AFF3: variants seen among roughly 807,000 people sequenced by gnomAD.
The protein encoded by AFF3 is AF4/FMR2 family member 3.
AFF3 carries 32 observed loss-of-function variants against 129.7 expected under a neutral mutation model. The observed-to-expected ratio is 0.25, with a 90% CI of 0.19 to 0.33. The LOEUF (loss-of-function observed/expected upper bound fraction) is 0.33, where lower values mean the gene tolerates loss of function less well. Among genes scored for constraint, AFF3 ranks in the 10% least tolerant of loss-of-function variants. AFF3 has a pLI of 1.00. For missense variants in AFF3, 1,373 were observed against 1,592.0 expected (o/e 0.86, Z 2.34); for synonymous variants, 644 against 635.4 (o/e 1.01, Z -0.20).
At chr2:99,710,033 G>A (rs1199272499) in intron 11 of AFF3, among the ~76,000 whole-genome samples, 1 of 152,186 alleles carries the variant, frequency 6.6e-6, no homozygotes, top group East Asian at 1.9e-4. Context: ...TGGCCATGCT[G>A]CCTACCTGGG....
Position 100,104,530 on chromosome 2 carries a change from G to C in AFF3, c.-64-12C>G, listed in dbSNP as rs955769831. The C allele has an allele frequency of 2.6e-5, 32 of 1,235,224 alleles. No individual in the cohort carries two copies. The Admixed American group carries it at 6.5e-4, about 25-fold the overall frequency. The allele number at this position is 1,235,224 out of a possible 1,614,324, so 76.5% of individuals were successfully genotyped here. ...GGGCCGCCCGCGCGCTGCAACGAAA[G>C]GCGCCGCTCAAGGTGCATCCCAGCC... On this transcript the variant is annotated splice_polypyrimidine_tract_variant and intron_variant, in intron 3 of 24. Coordinates refer to ENST00000672756, the MANE Select transcript of AFF3 (RefSeq NM_001386135.1).
chr2:99,887,392 C>A (rs1266526357), intron 7 of AFF3, among the ~76,000 whole-genome samples: 1 of 152,060 alleles, frequency 6.6e-6, no homozygotes, highest in Non-Finnish European at 1.5e-5. Context: ...ATTCTAAGAC[C>A]CTTAGCCTTT....
chr2:99,921,940 C>A (rs1243486071), intron 7 of AFF3, among the ~76,000 whole-genome samples: 1 of 152,028 alleles, frequency 6.6e-6, no homozygotes, highest in Non-Finnish European at 1.5e-5. Flanking sequence ...TAGCACATGG[C>A]CAATAAGCAC....
chr2:99,654,256 CA>C (rs1253832439), intron 12 of AFF3, among the ~76,000 whole-genome samples: 3 of 152,136 alleles, frequency 2.0e-5, no homozygotes, highest in Non-Finnish European at 4.4e-5. Context: ...AAAAATTTTA[CA>C]AAAACTCACC....
chr2:99,828,551 G>A (rs1341224110), intron 8 of AFF3, among the ~76,000 whole-genome samples: 2 of 152,162 alleles, frequency 1.3e-5, no homozygotes, highest in African/African-American at 4.8e-5. Context: ...AGCAGAGACC[G>A]CCACGAGACG....
intron 7 of AFF3, among the ~76,000 whole-genome samples, chr2:99,957,182 C>CGTGT (rs144873522): frequency 1.2e-4 from 18 of 150,526 alleles, no homozygotes; most frequent in African/African-American, 2.2e-4. Context: ...TGTGTGTGTG[C>CGTGT]GTGTGTGTGT....
intron 1 of AFF3, among the ~76,000 whole-genome samples, chr2:100,129,618 T>C (rs1692337639): frequency 6.6e-6 from 1 of 152,192 alleles, no homozygotes; most frequent in African/African-American, 2.4e-5. Flanking sequence ...CTCTTCCCAA[T>C]ACGTCTAATT....
At chr2:99,830,452 A>T (rs1688434808) in intron 8 of AFF3, among the ~76,000 whole-genome samples, 1 of 152,176 alleles carries the variant, frequency 6.6e-6, no homozygotes, top group Non-Finnish European at 1.5e-5. Context: ...CCTGCCACGA[A>T]GTTTAAAGAT....
intron 8 of AFF3, among the ~76,000 whole-genome samples, chr2:99,757,585 C>T (rs1431078844): frequency 1.3e-5 from 2 of 152,150 alleles, no homozygotes; most frequent in Admixed American, 1.3e-4. Flanking sequence ...GATGAGGAAA[C>T]TAAGTCACTA....
chr2:99,971,213 G>A (rs896720285), intron 7 of AFF3, among the ~76,000 whole-genome samples: 2 of 152,072 alleles, frequency 1.3e-5, no homozygotes, highest in Non-Finnish European at 2.9e-5. Flanking sequence ...ATTCTTGCCC[G>A]TCCAGTTCCT....
chr2:99,570,233 T>C (rs1322880789), intron 18 of AFF3, among the ~76,000 whole-genome samples: 1 of 152,226 alleles, frequency 6.6e-6, no homozygotes, highest in Non-Finnish European at 1.5e-5. Flanking sequence ...AATGGCTTTG[T>C]TGTTGCCTTG....
chr2:99,623,284 T>G (rs1682222283), intron 13 of AFF3, among the ~76,000 whole-genome samples: 1 of 152,018 alleles, frequency 6.6e-6, no homozygotes, highest in African/African-American at 2.4e-5. Context: ...TGAGAGCCCC[T>G]TGTTCAAAGA....
intron 8 of AFF3, among the ~76,000 whole-genome samples, chr2:99,788,282 A>G (rs1329388196): frequency 6.6e-6 from 1 of 152,124 alleles, no homozygotes; most frequent in Non-Finnish European, 1.5e-5. Context: ...GCAGTTCCTC[A>G]TGAGGTATCC....
intron 4 of AFF3, among the ~76,000 whole-genome samples, chr2:100,095,794 C>T (rs1352796340): frequency 6.6e-6 from 1 of 152,220 alleles, no homozygotes; most frequent in Non-Finnish European, 1.5e-5. Flanking sequence ...ATTATCCATC[C>T]TATATGCAAA....
intron 4 of AFF3, among the ~76,000 whole-genome samples, chr2:100,091,198 A>C (rs1352129175): frequency 4.9e-4 from 73 of 148,276 alleles, no homozygotes; most frequent in African/African-American, 1.8e-3. Flanking sequence ...AAAATGGGGA[A>C]TAGTAGAATC....
intron 7 of AFF3, among the ~76,000 whole-genome samples, chr2:99,942,912 A>G (rs1326995549): frequency 1.3e-5 from 2 of 152,132 alleles, no homozygotes; most frequent in Non-Finnish European, 1.5e-5. Flanking sequence ...GAAGAGCAAT[A>G]TGGATGCCGT....
intron 2 of AFF3, chr2:100,107,138 G>A: frequency 1.0e-6 from 1 of 985,446 alleles, no homozygotes; most frequent in Non-Finnish European, 1.2e-6. Flanking sequence ...ATGTTTTCAT[G>A]TAATAGTGTC....
intron 8 of AFF3, among the ~76,000 whole-genome samples, chr2:99,797,636 T>A (rs1685642558): frequency 6.6e-6 from 1 of 151,970 alleles, no homozygotes; most frequent in South Asian, 2.1e-4. Context: ...TATAATCAAA[T>A]TGCTCAAAAC....
At chr2:99,760,214 T>C (rs1486359232) in intron 8 of AFF3, among the ~76,000 whole-genome samples, 1 of 152,040 alleles carries the variant, frequency 6.6e-6, no homozygotes, top group African/African-American at 2.4e-5. Context: ...TGGGGAAGAG[T>C]TTTTTAAATA....
Sources: allele counts gnomAD v4.1 joint callset (sites outside exome capture counted in the v4.1 genomes callset), GRCh38; gene constraint gnomAD v4.1.1; transcripts MANE v1.5; gene names NCBI Gene and HGNC (gene_info 2026-07-23, HGNC 2026-07-21).